Variants in NUDT5 observed in about 807,000 individuals in gnomAD.
The protein encoded by NUDT5 is ADP-sugar pyrophosphatase.
A neutral mutation model predicts 34.1 loss-of-function variants in NUDT5; 21 were observed. That is an observed-to-expected ratio of 0.62 (90% CI 0.44 to 0.89). NUDT5 has a LOEUF of 0.89. Among genes scored for constraint, NUDT5 ranks in the 40% least tolerant of loss-of-function variants. The pLI, the probability that NUDT5 is intolerant of heterozygous loss-of-function variation, is 0.00. For missense variants in NUDT5, 249 were observed against 274.8 expected (o/e 0.91, Z 0.66); for synonymous variants, 85 against 97.6 (o/e 0.87, Z 0.76).
chr10:12,188,805 G>A (rs1364730095), intron 1 of NUDT5, among the ~76,000 whole-genome samples: 3 of 151,396 alleles, frequency 2.0e-5, no homozygotes, highest in African/African-American at 7.3e-5. Flanking sequence ...ATTTTCCAGT[G>A]AGGAGAAAGG....
At chr10:12,195,487 A>C (rs996271945) in intron 1 of NUDT5, among the ~76,000 whole-genome samples, 5 of 152,166 alleles carry the variant, frequency 3.3e-5, no homozygotes, top group African/African-American at 1.2e-4. Context: ...CCCTCTACCA[A>C]GCATTCTACT....
At chr10:12,189,035 A>T (rs1422464803) in intron 1 of NUDT5, among the ~76,000 whole-genome samples, 1 of 152,246 alleles carries the variant, frequency 6.6e-6, no homozygotes, top group African/African-American at 2.4e-5. Context: ...ACATTAGCAT[A>T]TTGAAACCTG....
intron 1 of NUDT5, among the ~76,000 whole-genome samples, chr10:12,189,934 C>T (rs1835194555): frequency 6.6e-6 from 1 of 151,216 alleles, no homozygotes; most frequent in Non-Finnish European, 1.5e-5. Flanking sequence ...TGCCTTGTCG[C>T]CCAGGCTGGA....
rs920093180 is a variant in NUDT5 at position 12,167,625 on chromosome 10, A to G, written c.*77T>C. 8.7e-6 allele frequency: 12 copies of G among 1,385,558 alleles called. No individual in the cohort carries two copies. Among genetic ancestry groups the G allele is most frequent in the Non-Finnish European group, 1.1e-5 (11 of 984,870 alleles). The allele number at this position is 1,385,558 out of a possible 1,614,324, so 85.8% of individuals were successfully genotyped here. A position where few individuals can be genotyped will look rare whatever the true frequency, so the allele number is the denominator to read the frequency against. On this transcript the variant is annotated 3_prime_UTR_variant, in exon 10 of 10. Transcript: ENST00000491614. Reference sequence around the variant, plus strand: ...AAAGCTAATGGCAAATCTACATTAAACTAAGTTGAATACAAAGTCTTAGTG... The same window carrying G: ...AAAGCTAATGGCAAATCTACATTAAGCTAAGTTGAATACAAAGTCTTAGTG...
In NUDT5 at chr10:12,182,620, C is replaced by T. The variant is rs1029287521; in HGVS notation, c.131+2269G>A. 1.2e-4 allele frequency among the ~76,000 whole-genome samples: 18 copies of T among 152,140 alleles called. No homozygotes were observed. Among genetic ancestry groups the T allele is most frequent in the Non-Finnish European group, 2.4e-4 (16 of 68,028 alleles). ...AAATAGATATTCTGAAGTGAGATTT[C>T]GTCGTATTTTCAGAAAAGTCCCCAT... On this transcript the variant is annotated intron_variant, in intron 3 of 9. Transcript: ENST00000491614. This position sits in a 1 kb window ranked among gnomAD's most constrained non-coding sequence, Gnocchi z 4.3.
rs185917454 is a variant in NUDT5 at position 12,175,707 on chromosome 10, C to G, written c.290-1894G>C. ...TAGCACTTTGGGAAGCTAAGGCGGG[C>G]AGATCACTTGAGCCAAGGAGTTAGA... On this transcript the variant is annotated intron_variant, in intron 5 of 9. Coordinates refer to ENST00000491614, the MANE Select transcript of NUDT5 (RefSeq NM_014142.4). This position sits in a 1 kb window ranked among gnomAD's most constrained non-coding sequence, Gnocchi z 4.8. 1.0e-3 allele frequency among the ~76,000 whole-genome samples: 157 copies of G among 151,478 alleles called. No homozygotes were observed. Among genetic ancestry groups the G allele is most frequent in the African/African-American group, 3.8e-3 (156 of 41,238 alleles).
intron 3 of NUDT5, among the ~76,000 whole-genome samples, chr10:12,183,141 C>A (rs1564425779): frequency 6.6e-6 from 1 of 152,210 alleles, no homozygotes; most frequent in African/African-American, 2.4e-5. Context: ...ACATTGGGTT[C>A]CAACCTCTCT....
intron 1 of NUDT5, among the ~76,000 whole-genome samples, chr10:12,186,709 C>A (rs1835137048): frequency 6.6e-6 from 1 of 151,564 alleles, no homozygotes; most frequent in African/African-American, 2.4e-5. Flanking sequence ...CTCACTGCAA[C>A]CTCCGCCTCC....
chr10:12,171,886 G>A lies in NUDT5; in HGVS notation c.487+879C>T, dbSNP rs931971820. ...ATTACAGGTGCGCACCACCATGCCT[G>A]GCTAATTTTTGTATTTTTAGTAGAG... On this transcript the variant is annotated intron_variant, in intron 7 of 9. Coordinates refer to ENST00000491614, the MANE Select transcript of NUDT5 (RefSeq NM_014142.4). This position sits in a 1 kb window ranked among gnomAD's most constrained non-coding sequence, Gnocchi z 4.2. Among the ~76,000 whole-genome samples, 5 of 151,636 alleles carry A rather than the reference G, an allele frequency of 3.3e-5. No homozygotes were observed. The highest frequency in any genetic ancestry group is 9.7e-5 in the African/African-American group (4 of 41,266).
rs758882120 is a variant in NUDT5, at chr10:12,168,301, G to C, written c.551-490C>G. Among the ~76,000 whole-genome samples the C allele has an allele frequency of 2.6e-5, 4 of 152,196 alleles. No homozygotes were observed. The highest frequency in any genetic ancestry group is 4.4e-5 in the Non-Finnish European group (3 of 68,046). Reference sequence around the variant, plus strand: ...AGCCTCCCAAAGTGCTGGGATTACAGGCGTGAGCTACCGCACCCAGCCAGG... The same window carrying C: ...AGCCTCCCAAAGTGCTGGGATTACACGCGTGAGCTACCGCACCCAGCCAGG... On this transcript the variant is annotated intron_variant, in intron 9 of 9. Transcript: ENST00000491614. The surrounding 1 kb of genome is among the most constrained non-coding windows in gnomAD (Gnocchi z 4.8).
chr10:12,190,481 A>T (rs1459332392), intron 1 of NUDT5, among the ~76,000 whole-genome samples: 1 of 152,102 alleles, frequency 6.6e-6, no homozygotes, highest in Non-Finnish European at 1.5e-5. Flanking sequence ...CTTGCCCTTG[A>T]GCACGTTACA....
At position 12,182,473 on chromosome 10, in the gene NUDT5, T is replaced by G. The variant is rs1474027700; in HGVS notation, c.131+2416A>C. ...AGGGTGACATTCTGGTATAAAATAT[T>G]AGTGCTTTACATAAATCCTCTTCAG... On this transcript the variant is annotated intron_variant, in intron 3 of 9. Coordinates refer to ENST00000491614, the MANE Select transcript of NUDT5 (RefSeq NM_014142.4). This position sits in a 1 kb window ranked among gnomAD's most constrained non-coding sequence, Gnocchi z 4.3. Among the ~76,000 whole-genome samples, 2 of 152,154 alleles carry G rather than the reference T, an allele frequency of 1.3e-5. No individual in the cohort carries two copies. The highest frequency in any genetic ancestry group is 2.9e-5 in the Non-Finnish European group (2 of 68,036).
In NUDT5 at chr10:12,170,252, T is replaced by C. The variant is rs2131698080; in HGVS notation, c.550+465A>G. ...GGTTTGGTTTATTATGTGAAAAGCATATCACACGGAGTATACAGGAAATAC... is the reference window on the plus strand; with the variant it reads ...GGTTTGGTTTATTATGTGAAAAGCACATCACACGGAGTATACAGGAAATAC... On this transcript the variant is annotated intron_variant, in intron 9 of 9. Transcript: ENST00000491614. This position sits in a 1 kb window ranked among gnomAD's most constrained non-coding sequence, Gnocchi z 4.9. The C allele has an allele frequency of 1.3e-6, 2 of 1,507,380 alleles. No homozygotes were observed. Among genetic ancestry groups the C allele is most frequent in the South Asian group, 1.1e-5 (1 of 88,672 alleles). 93.4% of individuals were successfully genotyped at this position (1,507,380 alleles called of 1,614,324 possible).
Position 12,167,828 on chromosome 10 carries a change from A to G in NUDT5, c.551-17T>C, listed in dbSNP as rs1295591258. Reference sequence around the variant, plus strand: ...CTACCAGAGCTGTGGAAAGCAAAGAAAACAACTTAGATCATGCCGTTAAGG... The same window carrying G: ...CTACCAGAGCTGTGGAAAGCAAAGAGAACAACTTAGATCATGCCGTTAAGG... On this transcript the variant is annotated splice_polypyrimidine_tract_variant and intron_variant, in intron 9 of 9. Transcript: ENST00000491614. 1 of 1,613,184 alleles carries G rather than the reference A, an allele frequency of 6.2e-7. No individual in the cohort carries two copies.
intron 2 of NUDT5, among the ~76,000 whole-genome samples, 186 bp downstream of exon 2, chr10:12,186,043 C>T (rs1042247044): frequency 6.6e-6 from 1 of 152,120 alleles, no homozygotes; most frequent in Non-Finnish European, 1.5e-5. Context: ...TTCACTAATA[C>T]ACAGAGAGAC....
rs190498784 is a variant in NUDT5, at chr10:12,182,083, C to G, written c.131+2806G>C. Among the ~76,000 whole-genome samples, 131 of 151,292 alleles carry G rather than the reference C, an allele frequency of 8.7e-4. No homozygotes were observed. Among genetic ancestry groups the G allele is most frequent in the East Asian group, 4.7e-3 (24 of 5,134 alleles). ...GGTAGAGGTTGCAGTGAGCTGAGAC[C>G]ACACCATTGCACTCTAGCCTGGGCA... On this transcript the variant is annotated intron_variant, in intron 3 of 9. Transcript: ENST00000491614. This position sits in a 1 kb window ranked among gnomAD's most constrained non-coding sequence, Gnocchi z 4.3.
chr10:12,176,744 T>C (rs563140985), intron 5 of NUDT5, among the ~76,000 whole-genome samples: 2 of 152,182 alleles, frequency 1.3e-5, no homozygotes, highest in Non-Finnish European at 2.9e-5. Context: ...AAGAAAAATA[T>C]TCTAGTTGAA....
At chr10:12,193,102 T>C (rs1046571205) in intron 1 of NUDT5, among the ~76,000 whole-genome samples, 1 of 152,314 alleles carries the variant, frequency 6.6e-6, no homozygotes, top group Admixed American at 6.5e-5. Flanking sequence ...CTGACTGTAA[T>C]GACCCTTGGG....
intron 3 of NUDT5, among the ~76,000 whole-genome samples, chr10:12,180,663 C>G (rs1835027722): frequency 6.6e-6 from 1 of 152,252 alleles, no homozygotes; most frequent in Non-Finnish European, 1.5e-5. Flanking sequence ...GTGAGATGCA[C>G]AGCTGACTGG....
Sources: allele counts gnomAD v4.1 joint callset (sites outside exome capture counted in the v4.1 genomes callset), GRCh38; gene constraint gnomAD v4.1.1; non-coding constraint Gnocchi (gnomAD v3.1); transcripts MANE v1.5; gene names NCBI Gene and HGNC (gene_info 2026-07-23, HGNC 2026-07-21).